KSR2: variants seen among roughly 807,000 people sequenced by gnomAD.
The protein encoded by KSR2 is kinase suppressor of ras 2.
A neutral mutation model predicts 107.8 loss-of-function variants in KSR2; 25 were observed. That is an observed-to-expected ratio of 0.23 (90% CI 0.17 to 0.32). KSR2 has a LOEUF of 0.32. Ranked by LOEUF, KSR2 falls within the 10% of genes least tolerant of loss-of-function variation. The probability of loss-of-function intolerance (pLI) is 1.00; values close to 1 mark genes in which losing one functional copy is unlikely to be tolerated. For missense variants in KSR2, 887 were observed against 1,268.9 expected (o/e 0.70, Z 4.57); for synonymous variants, 480 against 507.0 (o/e 0.95, Z 0.71).
chr12:117,904,301 G>A (rs1220959026), intron 1 of KSR2, among the ~76,000 whole-genome samples: 1 of 152,154 alleles, frequency 6.6e-6, no homozygotes, highest in Non-Finnish European at 1.5e-5. Flanking sequence ...GATATATTCA[G>A]TATCTAAACT....
intron 6 of KSR2, among the ~76,000 whole-genome samples, chr12:117,581,596 G>A (rs1440471160): frequency 6.6e-6 from 1 of 152,178 alleles, no homozygotes; most frequent in Non-Finnish European, 1.5e-5. Context: ...CACTCACCCT[G>A]CTAAGTTTGT....
chr12:117,512,985 T>C (rs144222538), intron 14 of KSR2, among the ~76,000 whole-genome samples: 1,556 of 152,178 alleles, frequency 0.01, 25 homozygotes, highest in African/African-American at 0.035. Flanking sequence ...GGAAAACCTC[T>C]CCTAGGATTT....
chr12:117,732,510 G>A (rs553683982), intron 4 of KSR2, among the ~76,000 whole-genome samples: 3 of 152,010 alleles, frequency 2.0e-5, no homozygotes, highest in African/African-American at 2.4e-5. Flanking sequence ...GGTTGGTCTC[G>A]AACTCCTAAC....
chr12:117,943,089 T>A (rs554568875), intron 1 of KSR2, among the ~76,000 whole-genome samples: 1 of 152,284 alleles, frequency 6.6e-6, no homozygotes, highest in East Asian at 1.9e-4. Flanking sequence ...AACATAAACA[T>A]ACATGTTTGC....
chr12:117,627,806 GGTTCCATT>G (rs1300152642), intron 5 of KSR2, among the ~76,000 whole-genome samples: 4 of 152,186 alleles, frequency 2.6e-5, no homozygotes, highest in Non-Finnish European at 5.9e-5. Context: ...TTTCCAACTT[GGTTCCATT>G]CTCTGCATCA....
At chr12:117,866,839 TA>T (rs34463256) in intron 1 of KSR2, among the ~76,000 whole-genome samples, 62,143 of 149,532 alleles carry the variant, frequency 0.42, 14,708 homozygotes, top group African/African-American at 0.65. Flanking sequence ...CAAAAAAAAT[TA>T]AAAAAAAAAT....
intron 16 of KSR2, among the ~76,000 whole-genome samples, chr12:117,482,906 C>G (rs925240353): frequency 2.0e-5 from 3 of 152,214 alleles, no homozygotes; most frequent in African/African-American, 4.8e-5. Context: ...TGTCTTGATG[C>G]AAATACTTGG....
At chr12:117,787,355 A>G (rs1029740084) in intron 3 of KSR2, among the ~76,000 whole-genome samples, 1 of 152,186 alleles carries the variant, frequency 6.6e-6, no homozygotes, top group African/African-American at 2.4e-5. Context: ...CCAGTAGGCC[A>G]GGAGCAGTGG....
chr12:117,594,200 C>T (rs1880502795), intron 5 of KSR2, among the ~76,000 whole-genome samples: 1 of 152,178 alleles, frequency 6.6e-6, no homozygotes, highest in African/African-American at 2.4e-5. Flanking sequence ...CAAAGGGCTG[C>T]TGAGAAGTTC....
At chr12:117,594,530 C>G (rs1024306470) in intron 5 of KSR2, among the ~76,000 whole-genome samples, 2 of 151,970 alleles carry the variant, frequency 1.3e-5, no homozygotes, top group Non-Finnish European at 1.5e-5. Flanking sequence ...GGCCAGGAAG[C>G]CTGCTGAGGC....
chr12:117,512,639 C>G (rs1874101954), intron 14 of KSR2, among the ~76,000 whole-genome samples: 1 of 152,178 alleles, frequency 6.6e-6, no homozygotes, highest in African/African-American at 2.4e-5. Flanking sequence ...TACCACCCAG[C>G]ATGAATGGCT....
chr12:117,847,500 C>T (rs1947628613), intron 3 of KSR2, among the ~76,000 whole-genome samples: 1 of 152,218 alleles, frequency 6.6e-6, no homozygotes, highest in African/African-American at 2.4e-5. Flanking sequence ...AGCACCCTGG[C>T]CTCCACTCTC....
intron 5 of KSR2, among the ~76,000 whole-genome samples, chr12:117,650,550 C>G (rs1883860083): frequency 6.6e-6 from 1 of 152,046 alleles, no homozygotes; most frequent in South Asian, 2.1e-4. Context: ...TGATTAGACC[C>G]AAAAATGCTA....
rs1180628412 is a variant in KSR2, at chr12:117,777,130, T to TAC, written c.473-15608_473-15607dup. On this transcript the variant is annotated intron_variant, in intron 3 of 19. Coordinates refer to ENST00000339824, the MANE Select transcript of KSR2 (RefSeq NM_173598.6). Reference sequence around the variant, plus strand: ...TATACACACACACACCATATATATATACACTATATTATATATATATATATA... The same window carrying TAC: ...TATACACACACACACCATATATATATACACACTATATTATATATATATATATA... Among the ~76,000 whole-genome samples the TAC allele has an allele frequency of 2.0e-3, 220 of 112,456 alleles. 5 individuals are homozygous for TAC. Among genetic ancestry groups the TAC allele is most frequent in the Non-Finnish European group, 5.0e-4 (29 of 57,600 alleles). The allele number at this position is 112,456 out of a possible 152,430, so 73.8% of individuals were successfully genotyped here.
chr12:117,528,066 C>CG (rs1055480863), intron 12 of KSR2, among the ~76,000 whole-genome samples: 4 of 151,372 alleles, frequency 2.6e-5, no homozygotes, highest in Non-Finnish European at 5.9e-5. Context: ...TAGATGCTGG[C>CG]GGGGCGTCAC....
Position 117,456,185 on chromosome 12 carries a change from T to C in KSR2, c.*11014A>G, listed in dbSNP as rs907723179. The C allele has an allele frequency of 7.3e-4, 112 of 152,406 alleles. No homozygotes were observed. The highest frequency in any genetic ancestry group is 2.4e-3 in the African/African-American group (101 of 41,562). 9.4% of individuals were successfully genotyped at this position (152,406 alleles called of 1,614,324 possible). ...AGGCAAAGATTTATGCATCACACAG[T>C]TGGGCAGAAGCCTGACCAAGGACAG... On this transcript the variant is annotated 3_prime_UTR_variant, in exon 20 of 20. Transcript: ENST00000339824.
chr12:117,736,727 C>T (rs180676833), intron 4 of KSR2, among the ~76,000 whole-genome samples: 45 of 151,242 alleles, frequency 3.0e-4, no homozygotes, highest in Admixed American at 1.1e-3. Context: ...GTGGGAGGAT[C>T]GCCTGAGGCC....
chr12:117,796,917 C>T (rs1227995918), intron 3 of KSR2, among the ~76,000 whole-genome samples: 1 of 152,184 alleles, frequency 6.6e-6, no homozygotes, highest in South Asian at 2.1e-4. Context: ...TTTCTTAATT[C>T]CCCTGATCAC....
intron 1 of KSR2, among the ~76,000 whole-genome samples, chr12:117,860,655 G>T (rs776269105): frequency 6.6e-6 from 1 of 152,136 alleles, no homozygotes; most frequent in Non-Finnish European, 1.5e-5. Context: ...GGGAGGCGGC[G>T]CACATTAGTA....
Sources: gnomAD v4.1 joint callset for allele counts (sites outside exome capture counted in the v4.1 genomes callset) on GRCh38, gnomAD v4.1.1 for gene constraint, MANE v1.5 for transcripts, NCBI Gene and HGNC (gene_info 2026-07-23, HGNC 2026-07-21) for gene names.